The following UBTD1 variants were observed in gnomAD, a reference collection of about 807,000 sequenced individuals.
UBTD1 encodes the protein ubiquitin domain containing 1, also known as ubiquitin domain-containing protein 1.
A neutral mutation model predicts 21.7 loss-of-function variants in UBTD1; 19 were observed. The observed-to-expected ratio is 0.87, with a 90% CI of 0.61 to 1.28. The LOEUF (loss-of-function observed/expected upper bound fraction) is 1.28, where lower values mean the gene tolerates loss of function less well. UBTD1 is among the 50% of genes most tolerant of loss of function. The pLI, the probability that UBTD1 is intolerant of heterozygous loss-of-function variation, is 0.00. For synonymous variants in UBTD1, 116 were observed against 135.1 expected (o/e 0.86, Z 0.98); for missense variants, 282 against 315.1 (o/e 0.89, Z 0.80).
intron 1 of UBTD1, among the ~76,000 whole-genome samples, chr10:97,505,585 G>T (rs534482036): frequency 4.7e-4 from 71 of 152,356 alleles, no homozygotes; most frequent in Admixed American, 1.4e-3. Context: ...AGTGTGCTCA[G>T]ATATGAGGTC....
At chr10:97,563,736 A>C (rs1449406907) in intron 1 of UBTD1, among the ~76,000 whole-genome samples, 1 of 152,112 alleles carries the variant, frequency 6.6e-6, no homozygotes, top group Non-Finnish European at 1.5e-5. Context: ...AAAATGGTGA[A>C]TGGGGTATGA....
At chr10:97,564,060 T>C (rs1317266714) in intron 1 of UBTD1, among the ~76,000 whole-genome samples, 1 of 152,086 alleles carries the variant, frequency 6.6e-6, no homozygotes, top group African/African-American at 2.4e-5. Flanking sequence ...TGGGGTACTA[T>C]AGATGACTAA....
intron 1 of UBTD1, among the ~76,000 whole-genome samples, chr10:97,559,524 A>G (rs74960243): frequency 1.5e-4 from 23 of 152,364 alleles, no homozygotes; most frequent in African/African-American, 5.3e-4. Flanking sequence ...AAAACTCAAC[A>G]CCATTTTATA....
intron 1 of UBTD1, among the ~76,000 whole-genome samples, chr10:97,526,647 T>A (rs2040489730): frequency 6.6e-6 from 1 of 152,100 alleles, no homozygotes; most frequent in Non-Finnish European, 1.5e-5. Context: ...GGTCAGGAAT[T>A]CAAGACCAGC....
intron 1 of UBTD1, among the ~76,000 whole-genome samples, chr10:97,542,316 G>A (rs1452197643): frequency 6.6e-6 from 1 of 152,220 alleles, no homozygotes; most frequent in Non-Finnish European, 1.5e-5. Flanking sequence ...CAACCAGTCT[G>A]GCAAGCCAGT....
chr10:97,539,779 A>G (rs2040579298), intron 1 of UBTD1, among the ~76,000 whole-genome samples: 1 of 151,792 alleles, frequency 6.6e-6, no homozygotes. Context: ...GAGGCTGGGG[A>G]TATGATGTGT....
chr10:97,504,749 C>T (rs1459937966), intron 1 of UBTD1, among the ~76,000 whole-genome samples: 1 of 152,196 alleles, frequency 6.6e-6, no homozygotes, highest in Admixed American at 6.5e-5. Context: ...TAAGTGAACA[C>T]GTCTGATTGA....
intron 1 of UBTD1, among the ~76,000 whole-genome samples, chr10:97,508,308 T>TTTTGG (rs1554863838): frequency 1.3e-5 from 2 of 152,140 alleles, no homozygotes; most frequent in Non-Finnish European, 1.5e-5. Context: ...AGAGAACGCT[T>TTTTGG]TTTTGTTTTG....
chr10:97,523,326 G>A (rs1218560356), intron 1 of UBTD1, among the ~76,000 whole-genome samples: 1 of 152,198 alleles, frequency 6.6e-6, no homozygotes, highest in Non-Finnish European at 1.5e-5. Flanking sequence ...GAGGGAAATG[G>A]GCATTTGCGG....
intron 1 of UBTD1, among the ~76,000 whole-genome samples, chr10:97,549,472 A>G (rs989741337): frequency 6.6e-6 from 1 of 152,200 alleles, no homozygotes; most frequent in African/African-American, 2.4e-5. Context: ...CTCTGTCTGT[A>G]GGATCAAAAA....
chr10:97,535,367 G>A (rs1398514429), intron 1 of UBTD1, among the ~76,000 whole-genome samples: 7 of 152,178 alleles, frequency 4.6e-5, no homozygotes, highest in Non-Finnish European at 8.8e-5. Flanking sequence ...TGTAATCCCA[G>A]CACTTTGGGA....
intron 1 of UBTD1, among the ~76,000 whole-genome samples, chr10:97,547,169 G>A (rs892627034): frequency 2.0e-5 from 3 of 152,198 alleles, no homozygotes; most frequent in Admixed American, 6.5e-5. Flanking sequence ...AGGCTGTGCC[G>A]TTCGCTTCTA....
intron 1 of UBTD1, among the ~76,000 whole-genome samples, chr10:97,552,777 G>A (rs920883775): frequency 2.6e-5 from 4 of 152,142 alleles, no homozygotes; most frequent in Non-Finnish European, 5.9e-5. Context: ...ACTGTATGGT[G>A]GACGTTTTCC....
chr10:97,556,992 C>A (rs1031849395), intron 1 of UBTD1, among the ~76,000 whole-genome samples: 1 of 152,208 alleles, frequency 6.6e-6, no homozygotes, highest in Non-Finnish European at 1.5e-5. Flanking sequence ...CTATGCAATA[C>A]TGTCCAATAA....
At chr10:97,542,134 G>A (rs1367353272) in intron 1 of UBTD1, among the ~76,000 whole-genome samples, 4 of 152,194 alleles carry the variant, frequency 2.6e-5, no homozygotes, top group African/African-American at 9.7e-5. Flanking sequence ...TGAAGCAGCT[G>A]TGGCTGTTCC....
intron 1 of UBTD1, among the ~76,000 whole-genome samples, chr10:97,545,503 G>A (rs1473332554): frequency 6.6e-6 from 1 of 151,972 alleles, no homozygotes; most frequent in African/African-American, 2.4e-5. Context: ...GGGCTGTTAG[G>A]TGATTTGTTC....
chr10:97,523,204 C>T (rs755072040), intron 1 of UBTD1, among the ~76,000 whole-genome samples: 4 of 152,144 alleles, frequency 2.6e-5, no homozygotes, highest in Non-Finnish European at 4.4e-5. Context: ...TTATCTTTTG[C>T]GGGAAGTGAC....
At chr10:97,550,756 C>T (rs938651599) in intron 1 of UBTD1, among the ~76,000 whole-genome samples, 4 of 152,198 alleles carry the variant, frequency 2.6e-5, no homozygotes, top group Non-Finnish European at 5.9e-5. Flanking sequence ...CGCATACACA[C>T]TCACACTCAT....
At chr10:97,529,256 C>A (rs2040513515) in intron 1 of UBTD1, among the ~76,000 whole-genome samples, 3 of 151,452 alleles carry the variant, frequency 2.0e-5, no homozygotes, top group African/African-American at 7.3e-5. Flanking sequence ...GGCGGCCGGG[C>A]AGAGACGCTC....
Sources: gnomAD v4.1 joint callset for allele counts (sites outside exome capture counted in the v4.1 genomes callset) on GRCh38, gnomAD v4.1.1 for gene constraint, MANE v1.5 for transcripts, NCBI Gene and HGNC (gene_info 2026-07-23, HGNC 2026-07-21) for gene names.